Variants in NADSYN1 observed in about 807,000 individuals in gnomAD.
NADSYN1 encodes the protein glutamine-dependent NAD(+) synthetase.
Under a neutral mutation model 99.3 loss-of-function variants are expected in NADSYN1, and 80 were observed. The ratio of observed to expected loss-of-function variants is 0.81; its 90% CI spans 0.67 to 0.97. The LOEUF (loss-of-function observed/expected upper bound fraction) is 0.97. Among genes scored for constraint, NADSYN1 ranks in the 50% least tolerant of loss-of-function variants. The pLI is 0.00. For missense variants in NADSYN1, 859 were observed against 948.5 expected (o/e 0.91, Z 1.24); for synonymous variants, 385 against 372.1 (o/e 1.03, Z -0.40).
Position 71,468,242 on chromosome 11 carries a change from C to G in NADSYN1, c.407+4100C>G, listed in dbSNP as rs537332620. 2.6e-5 allele frequency among the ~76,000 whole-genome samples: 4 copies of G among 152,318 alleles called. No homozygotes were observed. In the South Asian group the frequency reaches 8.3e-4, roughly 32 times the overall value. On this transcript the variant is annotated intron_variant, in intron 5 of 20. Coordinates refer to ENST00000319023, the MANE Select transcript of NADSYN1 (RefSeq NM_018161.5). Reference sequence around the variant, plus strand: ...TTAGGCAGAAGGAAAATCATCCTAGCAGAAGCCTCGAAATTTCAAAAGGAT... The same window carrying G: ...TTAGGCAGAAGGAAAATCATCCTAGGAGAAGCCTCGAAATTTCAAAAGGAT...
At position 71,454,698 on chromosome 11, in the gene NADSYN1, G is replaced by C. The variant is rs993860007; in HGVS notation, c.86-412G>C. 2.0e-5 allele frequency among the ~76,000 whole-genome samples: 3 copies of C among 152,318 alleles called. No individual in the cohort carries two copies. The South Asian group carries it at 6.2e-4, about 32-fold the overall frequency. ...GATGGTGCCTGACAGTGGCACCACT[G>C]CTGGATCGTAATCCTCTAAGTCCTT... is the stretch of plus-strand genomic sequence containing the variant. On this transcript the variant is annotated intron_variant, in intron 1 of 20. Transcript: ENST00000319023.
At chr11:71,481,080 C>G (rs1339961617) in intron 11 of NADSYN1, 4 of 733,548 alleles carry the variant, frequency 5.5e-6, no homozygotes, top group Non-Finnish European at 8.7e-6. Flanking sequence ...CTGCTGCTTC[C>G]CCGTGCTGTG....
At chr11:71,473,431 G>T in intron 7 of NADSYN1, 65 bp downstream of exon 7, 1 of 1,572,540 alleles carries the variant, frequency 6.4e-7, no homozygotes, top group South Asian at 1.1e-5. Context: ...GAGGACCTGG[G>T]ACTGCAGACG....
rs983709042 is a variant in NADSYN1, at chr11:71,501,782, G to T, written c.*430G>T. The T allele has an allele frequency of 5.5e-6, 1 of 183,226 alleles. No homozygotes were observed. Among genetic ancestry groups the T allele is most frequent in the Non-Finnish European group, 1.1e-5 (1 of 87,524 alleles). The allele number at this position is 183,226 out of a possible 1,614,324, so 11.4% of individuals were successfully genotyped here. A position where few individuals can be genotyped will look rare whatever the true frequency, so the allele number is the denominator to read the frequency against. On this transcript the variant is annotated 3_prime_UTR_variant, in exon 21 of 21. Transcript: ENST00000319023. ...ACCTTCCTGTCCTGGGTTCCAGAAG[G>T]TTCTGGGGAGATGGTCCCTGCAGAG...
intron 18 of NADSYN1, among the ~76,000 whole-genome samples, chr11:71,496,018 A>G (rs1477682463): frequency 6.6e-6 from 1 of 152,190 alleles, no homozygotes; most frequent in Non-Finnish European, 1.5e-5. Flanking sequence ...GGCCTCCAAC[A>G]TGGCCCAGAT....
Position 71,501,350 on chromosome 11 carries a change from T to C in NADSYN1, c.2119T>C (p.Ter707ArgextTer26). 6.2e-7 allele frequency: 1 copy of C among 1,605,028 alleles called. No homozygotes were observed. Residue 707 changes from the stop codon to arginine, a stop_lost, in exon 21 of 21, where the codon TGA becomes CGA. Coordinates refer to ENST00000319023, the MANE Select transcript of NADSYN1 (RefSeq NM_018161.5). ...GCCACAGTCCCTGGACGGCGTGGAC[T>C]GAGGCCGGTTCCTTCCTGGAGGCCT... is the stretch of plus-strand genomic sequence containing the variant. ...AEPQSLDGVD[*>R]
intron 9 of NADSYN1, chr11:71,475,178 G>A (rs1949657168): frequency 6.2e-6 from 1 of 161,866 alleles, no homozygotes; most frequent in Non-Finnish European, 1.4e-5. Flanking sequence ...CATGTATGGT[G>A]AGGCCGTTCA....
intron 9 of NADSYN1, chr11:71,477,194 C>T (rs527924042): frequency 1.1e-5 from 13 of 1,179,136 alleles, no homozygotes; most frequent in East Asian, 6.5e-5. Flanking sequence ...TCCGGCTTGT[C>T]GTGTGCCTGG....
intron 7 of NADSYN1, 73 bp from the exon 8 acceptor site, chr11:71,473,496 T>C (rs1403076921): frequency 3.9e-6 from 6 of 1,531,182 alleles, no homozygotes; most frequent in East Asian, 4.5e-5. Context: ...CGTGGGAGAG[T>C]GCAAGGGGCT....
chr11:71,484,008 G>A (rs966120606), intron 14 of NADSYN1, among the ~76,000 whole-genome samples: 2 of 152,174 alleles, frequency 1.3e-5, no homozygotes, highest in African/African-American at 4.8e-5. Context: ...AACAGGCCAT[G>A]GCATAGAGAG....
intron 9 of NADSYN1, chr11:71,476,611 AGT>A: frequency 1.0e-6 from 1 of 976,826 alleles, no homozygotes; most frequent in Non-Finnish European, 1.2e-6. Context: ...TCCACATGAC[AGT>A]GTCCCCAGAG....
rs375663837 is a variant in NADSYN1 at position 71,465,212 on chromosome 11, C to T, written c.407+1070C>T. Among the ~76,000 whole-genome samples, 66 of 152,150 alleles carry T rather than the reference C, an allele frequency of 4.3e-4. 1 individual carries two copies. In the South Asian group the frequency reaches 0.013, roughly 30 times the overall value. Reference sequence around the variant, plus strand: ...TGAGGTAGAACTGCGGGGGCCACTGCGGAAGGAGGTCATTGTGCCTGTGTA... The same window carrying T: ...TGAGGTAGAACTGCGGGGGCCACTGTGGAAGGAGGTCATTGTGCCTGTGTA... On this transcript the variant is annotated intron_variant, in intron 5 of 20. Coordinates refer to ENST00000319023, the MANE Select transcript of NADSYN1 (RefSeq NM_018161.5).
intron 3 of NADSYN1, 119 bp from the exon 4 acceptor site, chr11:71,463,313 A>C: frequency 2.3e-6 from 2 of 878,010 alleles, no homozygotes; most frequent in Non-Finnish European, 3.7e-6. Flanking sequence ...CTCCGAAGGG[A>C]TCGGAGGAAG....
Position 71,483,166 on chromosome 11 carries a change from C to G in NADSYN1, c.1319+149C>G. 5.5e-6 allele frequency: 5 copies of G among 904,216 alleles called. No homozygotes were observed. In the South Asian group the frequency reaches 6.7e-5, roughly 12 times the overall value. 56.0% of individuals were successfully genotyped at this position (904,216 alleles called of 1,614,324 possible). A position where few individuals can be genotyped will look rare whatever the true frequency, so the allele number is the denominator to read the frequency against. On this transcript the variant is annotated intron_variant, in intron 14 of 20. Transcript: ENST00000319023. ...TGGATAAACGTGTAAGTGCTCCATC[C>G]CTTTTTGTGGGTGAATAATATTCCA...
At chr11:71,473,406 A>G in intron 7 of NADSYN1, 40 bp downstream of exon 7, 3 of 1,601,214 alleles carry the variant, frequency 1.9e-6, no homozygotes, top group Non-Finnish European at 2.6e-6. Context: ...CGCCCACCTC[A>G]TATGGGCCAG....
chr11:71,473,764 G>A (rs1351561181), intron 8 of NADSYN1, 78 bp downstream of exon 8: 23 of 1,011,480 alleles, frequency 2.3e-5, no homozygotes, highest in South Asian at 1.3e-4. Flanking sequence ...AGTGCCCATC[G>A]CAGGGCTGGG....
rs543296319 is a variant in NADSYN1, at chr11:71,490,708, T to A, written c.1563-137T>A. The A allele has an allele frequency of 2.2e-5, 29 of 1,318,838 alleles. No homozygotes were observed. In the South Asian group the frequency reaches 4.1e-4, roughly 18 times the overall value. The allele number at this position is 1,318,838 out of a possible 1,614,324, so 81.7% of individuals were successfully genotyped here. The stretch of plus-strand genomic sequence containing the variant: ...CCTCTGCCACCTTTGCGGGTTGCTC[T>A]GGGACTTCTCCGGGATGCTTGAATA... On this transcript the variant is annotated intron_variant, in intron 16 of 20. Transcript: ENST00000319023.
chr11:71,498,027 A>G (rs1043756682), intron 19 of NADSYN1, among the ~76,000 whole-genome samples: 5 of 152,264 alleles, frequency 3.3e-5, no homozygotes, highest in Admixed American at 3.3e-4. Flanking sequence ...ATGCCACAGC[A>G]TCAGAGGCAG....
chr11:71,484,607 T>C, intron 15 of NADSYN1, 160 bp downstream of exon 15: 1 of 1,089,290 alleles, frequency 9.2e-7, no homozygotes, highest in Non-Finnish European at 1.3e-6. Flanking sequence ...ACAGCCTGTA[T>C]GCCTCACTGA....
Sources: gnomAD v4.1 joint callset for allele counts (sites outside exome capture counted in the v4.1 genomes callset) on GRCh38, gnomAD v4.1.1 for gene constraint, MANE v1.5 for transcripts, NCBI Gene and HGNC (gene_info 2026-07-23, HGNC 2026-07-21) for gene names.